SBNO2: variants seen among roughly 807,000 people sequenced by gnomAD.
SBNO2 encodes the protein protein strawberry notch homolog 2.
Under a neutral mutation model 146.3 loss-of-function variants are expected in SBNO2, and 89 were observed. The ratio of observed to expected loss-of-function variants is 0.61; its 90% CI spans 0.51 to 0.73. The LOEUF (loss-of-function observed/expected upper bound fraction) is 0.73, where lower values mean the gene tolerates loss of function less well. Ranked by LOEUF, SBNO2 falls within the 30% of genes least tolerant of loss-of-function variation. The pLI is 0.00. For missense variants in SBNO2, 2,092 were observed against 2,003.7 expected (o/e 1.04, Z -0.84); for synonymous variants, 1,147 against 892.6 (o/e 1.29, Z -5.08).
chr19:1,112,832 T>A lies in SBNO2; in HGVS notation c.2365A>T (p.Met789Leu). ...CAGCCCCGCACCTTCTCGCCGCTCA[T>A]GAAGCGCTGCTTCTCCCTGAGGTTC... ...HVNLREKQRF[M>L]SGEKLVAIIS... is the part of the protein sequence containing the mutation. The change falls in exon 20 of 32, where the codon ATG becomes TTG. Residue 789 changes from methionine (M) to leucine (L), a missense_variant. Transcript: ENST00000361757. This position sits in a 1 kb window ranked among gnomAD's most constrained non-coding sequence, Gnocchi z 5.9. The A allele has an allele frequency of 6.4e-7, 1 of 1,574,388 alleles. No homozygotes were observed. Among genetic ancestry groups the A allele is most frequent in the South Asian group, 1.2e-5 (1 of 85,796 alleles).
Position 1,144,531 on chromosome 19 carries a change from C to T in SBNO2, c.279+2778G>A, listed in dbSNP as rs572230557. On this transcript the variant is annotated intron_variant, in intron 4 of 31. Coordinates refer to ENST00000361757, the MANE Select transcript of SBNO2 (RefSeq NM_014963.3). The surrounding 1 kb of genome is among the most constrained non-coding windows in gnomAD (Gnocchi z 4.1). ...AGAATTCATGAGACAGAGATGGAGA[C>T]GGAGACAGAGACAGAGACATGGAGA... Among the ~76,000 whole-genome samples, 4 of 151,906 alleles carry T rather than the reference C, an allele frequency of 2.6e-5. No homozygotes were observed. Among genetic ancestry groups the T allele is most frequent in the East Asian group, 3.9e-4 (2 of 5,174 alleles).
intron 17 of SBNO2, 30 bp from the exon 18 acceptor site, chr19:1,114,452 C>T: frequency 6.8e-7 from 1 of 1,481,282 alleles, no homozygotes; most frequent in Non-Finnish European, 9.0e-7. Context: ...CACCGAGGGC[C>T]AGACCGCAGC....
intron 1 of SBNO2, among the ~76,000 whole-genome samples, chr19:1,164,768 A>G (rs367990469): frequency 0.036 from 250 of 6,950 alleles, no homozygotes; most frequent in Non-Finnish European, 0.038. Context: ...CTGTGGGGAC[A>G]TCCCAGATGC....
At chr19:1,119,439 C>A (rs1275681360) in intron 13 of SBNO2, 77 bp downstream of exon 13, 2 of 1,185,804 alleles carry the variant, frequency 1.7e-6, no homozygotes, top group African/African-American at 1.5e-5. Context: ...GTGGCAGTGC[C>A]AGGCCTTGGG....
intron 4 of SBNO2, among the ~76,000 whole-genome samples, chr19:1,134,152 TGGACTCACAGCTCAC>T (rs2080063228): frequency 8.4e-6 from 1 of 119,394 alleles, no homozygotes; most frequent in Non-Finnish European, 1.7e-5. Flanking sequence ...AGCTCACGGG[TGGACTCACAGCTCAC>T]GGGTGGACTC....
In SBNO2 at chr19:1,122,482, G is replaced by A; in HGVS notation, c.991C>T (p.His331Tyr). Reference protein sequence around the residue: ...RDIEATGIAVHALSKIKYGDT... With the variant: ...RDIEATGIAVYALSKIKYGDT... ...ACAGCCCCTACCTTGCTGAGCGCGT[G>A]CACCGCGATGCCCGTGGCTTCGATG... The change falls in exon 10 of 32, where the codon CAC becomes TAC. Residue 331 changes from histidine to tyrosine, a missense_variant. Transcript: ENST00000361757. 6.4e-7 allele frequency: 1 copy of A among 1,572,594 alleles called. No individual in the cohort carries two copies. The highest frequency in any genetic ancestry group is 8.6e-7 in the Non-Finnish European group (1 of 1,161,222).
rs554513957 is a variant in SBNO2 at position 1,162,657 on chromosome 19, C to A, written c.-126-8255G>T. Among the ~76,000 whole-genome samples, 3 of 152,246 alleles carry A rather than the reference C, an allele frequency of 2.0e-5. No homozygotes were observed. The South Asian group carries it at 6.2e-4, about 32-fold the overall frequency. ...TTCTCCCAGCTTTGTGAGGTGGAGC[C>A]CAACCTCCAGACCAAGAGAGGCCTT... On this transcript the variant is annotated intron_variant, in intron 1 of 31. Coordinates refer to ENST00000361757, the MANE Select transcript of SBNO2 (RefSeq NM_014963.3).
At chr19:1,165,030 C>A (rs997360066) in intron 1 of SBNO2, among the ~76,000 whole-genome samples, 7 of 150,732 alleles carry the variant, frequency 4.6e-5, no homozygotes, top group Non-Finnish European at 8.9e-5. Flanking sequence ...AGGGTGTGCC[C>A]GGAGGAGGTC....
At chr19:1,120,148 C>T (rs1046332401) in intron 11 of SBNO2, 125 bp from the exon 12 acceptor site, 13 of 737,212 alleles carry the variant, frequency 1.8e-5, no homozygotes, top group African/African-American at 1.2e-4. Context: ...GAGAACTCCA[C>T]GAGGGAAGCC....
At chr19:1,163,977 G>A (rs534309740) in intron 1 of SBNO2, among the ~76,000 whole-genome samples, 22 of 152,306 alleles carry the variant, frequency 1.4e-4, no homozygotes, top group African/African-American at 3.8e-4. Context: ...CAGACTCAGC[G>A]CCCTGAGGAC....
chr19:1,152,656 C>G (rs920170312), intron 2 of SBNO2, among the ~76,000 whole-genome samples: 1 of 152,176 alleles, frequency 6.6e-6, no homozygotes, highest in African/African-American at 2.4e-5. Context: ...ACCCTGGCCC[C>G]AGCTCAGAGC....
chr19:1,123,385 G>C, intron 7 of SBNO2, 149 bp downstream of exon 7: 2 of 686,254 alleles, frequency 2.9e-6, no homozygotes, highest in South Asian at 3.7e-5. Flanking sequence ...TATAAGCCTG[G>C]ATTGTAGAAC....
chr19:1,169,378 G>A (rs928451733), intron 1 of SBNO2, among the ~76,000 whole-genome samples: 25 of 152,334 alleles, frequency 1.6e-4, no homozygotes, highest in Admixed American at 1.4e-3. Context: ...TCAGGGCCAC[G>A]CTGCCATGCT....
intron 1 of SBNO2, among the ~76,000 whole-genome samples, chr19:1,154,888 G>A (rs1024270793): frequency 3.3e-5 from 5 of 152,290 alleles, no homozygotes; most frequent in African/African-American, 1.2e-4. Context: ...CAAGGAGGGG[G>A]GTCAGGGGCC....
chr19:1,140,572 C>T lies in SBNO2; in HGVS notation c.279+6737G>A, dbSNP rs538557440. Among the ~76,000 whole-genome samples the T allele has an allele frequency of 3.3e-5, 5 of 151,624 alleles. No individual in the cohort carries two copies. Among genetic ancestry groups the T allele is most frequent in the South Asian group, 2.1e-4 (1 of 4,796 alleles). Reference sequence around the variant, plus strand: ...CGCAGCCCACGGTGGATGCCAGCAGCGGCATCCTGGCGCAGCGTGAGCCCC... The same window carrying T: ...CGCAGCCCACGGTGGATGCCAGCAGTGGCATCCTGGCGCAGCGTGAGCCCC... On this transcript the variant is annotated intron_variant, in intron 4 of 31. Transcript: ENST00000361757. The surrounding 1 kb of genome is among the most constrained non-coding windows in gnomAD (Gnocchi z 4.4).
intron 15 of SBNO2, among the ~76,000 whole-genome samples, 152 bp from the exon 16 acceptor site, chr19:1,117,078 C>T (rs2079841532): frequency 1.3e-5 from 2 of 152,172 alleles, no homozygotes; most frequent in African/African-American, 2.4e-5. Flanking sequence ...ACAACACACA[C>T]TGCTGGGTGG....
chr19:1,160,285 G>A (rs937226146), intron 1 of SBNO2, among the ~76,000 whole-genome samples: 2 of 152,286 alleles, frequency 1.3e-5, no homozygotes, highest in Admixed American at 1.3e-4. Flanking sequence ...AGGCCCTCAT[G>A]GGCAGCCCCC....
chr19:1,112,885 G>T lies in SBNO2; in HGVS notation c.2312C>A (p.Ala771Glu), dbSNP rs1350983051. ...PDGTVAFESR[A>E]EQGLSIDHVN... ...GTGGTCGATGGACAGACCCTGCTCT[G>T]CCCGCGACTCGAAGGCCACCGTCCC... Residue 771 changes from alanine (A) to glutamate (E), a missense_variant, in exon 20 of 32, where the codon GCA (alanine) becomes GAA (glutamate). Ala to Glu is a moderately radical substitution (Grantham distance 107, BLOSUM62 -1). Transcript: ENST00000361757. The surrounding 1 kb of genome is among the most constrained non-coding windows in gnomAD (Gnocchi z 5.9). The T allele has an allele frequency of 1.9e-6, 3 of 1,572,604 alleles. No individual in the cohort carries two copies. The African/African-American group carries it at 4.1e-5, about 21-fold the overall frequency.
chr19:1,160,511 G>A (rs2080333433), intron 1 of SBNO2, among the ~76,000 whole-genome samples: 1 of 152,214 alleles, frequency 6.6e-6, no homozygotes, highest in Non-Finnish European at 1.5e-5. Flanking sequence ...ACAGAACAGA[G>A]GCAGCTGGCT....
Sources: allele counts gnomAD v4.1 joint callset (sites outside exome capture counted in the v4.1 genomes callset), GRCh38; gene constraint gnomAD v4.1.1; non-coding constraint Gnocchi (gnomAD v3.1); transcripts MANE v1.5; gene names NCBI Gene and HGNC (gene_info 2026-07-23, HGNC 2026-07-21).